The following LRMDA variants were observed in gnomAD, a reference collection of about 807,000 sequenced individuals.
LRMDA encodes the protein leucine rich melanocyte differentiation associated, also known as leucine-rich melanocyte differentiation-associated protein.
A neutral mutation model predicts 29.8 loss-of-function variants in LRMDA; 18 were observed. That is an observed-to-expected ratio of 0.60 (90% CI 0.42 to 0.90). The LOEUF is 0.90. Among genes scored for constraint, LRMDA ranks in the 40% least tolerant of loss-of-function variants. The probability of loss-of-function intolerance (pLI) is 0.00; values close to 1 mark genes in which losing one functional copy is unlikely to be tolerated. For missense variants in LRMDA, 273 were observed against 273.9 expected (o/e 1.00, Z 0.02); for synonymous variants, 125 against 109.4 (o/e 1.14, Z -0.89).
At chr10:75,779,988 G>T (rs76567205) in intron 2 of LRMDA, among the ~76,000 whole-genome samples, 2,031 of 152,248 alleles carry the variant, frequency 0.013, 51 homozygotes, top group African/African-American at 0.047. Context: ...AGAGAAAGGA[G>T]GAGATCTAGA....
intron 6 of LRMDA, among the ~76,000 whole-genome samples, chr10:76,363,650 T>C (rs1841356765): frequency 1.3e-5 from 2 of 152,180 alleles, no homozygotes; most frequent in South Asian, 2.1e-4. Context: ...CCTTCCTTCA[T>C]TCCTTTTCCC....
chr10:75,496,121 T>A (rs1160483059), intron 2 of LRMDA, among the ~76,000 whole-genome samples: 1 of 152,204 alleles, frequency 6.6e-6, no homozygotes, highest in Non-Finnish European at 1.5e-5. Flanking sequence ...TTTGAGCACT[T>A]TTACAGTTAG....
chr10:76,456,074 A>G (rs1413435004), intron 6 of LRMDA, among the ~76,000 whole-genome samples: 1 of 152,114 alleles, frequency 6.6e-6, no homozygotes, highest in African/African-American at 2.4e-5. Context: ...TATCCCTCAG[A>G]GAACATCCCC....
At chr10:75,728,408 T>C (rs975721654) in intron 2 of LRMDA, among the ~76,000 whole-genome samples, 11 of 151,630 alleles carry the variant, frequency 7.3e-5, no homozygotes, top group Admixed American at 3.3e-4. Flanking sequence ...TGCTTAGTTC[T>C]GTGCTTGATA....
At chr10:76,341,410 A>G (rs1661269780) in intron 6 of LRMDA, among the ~76,000 whole-genome samples, 1 of 152,198 alleles carries the variant, frequency 6.6e-6, no homozygotes, top group Non-Finnish European at 1.5e-5. Flanking sequence ...AAAGACAAAA[A>G]TAGCAAAATT....
intron 2 of LRMDA, among the ~76,000 whole-genome samples, chr10:75,584,853 T>A (rs1190447070): frequency 6.6e-6 from 1 of 152,176 alleles, no homozygotes; most frequent in Admixed American, 6.5e-5. Flanking sequence ...AAAGAATCAT[T>A]TGGACATGTC....
chr10:75,895,780 A>C (rs34844035), intron 2 of LRMDA, among the ~76,000 whole-genome samples: 17 of 152,246 alleles, frequency 1.1e-4, no homozygotes, highest in Non-Finnish European at 2.4e-4. Context: ...AAGCGGGTTT[A>C]TGTTTAGAAC....
chr10:75,812,340 A>G (rs920743289), intron 2 of LRMDA, among the ~76,000 whole-genome samples: 5 of 152,110 alleles, frequency 3.3e-5, no homozygotes, highest in African/African-American at 1.2e-4. Flanking sequence ...TGAAACAAAA[A>G]GTTAGCAGCC....
At chr10:75,451,167 G>C (rs1844456027) in intron 2 of LRMDA, 1 of 152,198 alleles carries the variant, frequency 6.6e-6, no homozygotes, top group African/African-American at 2.4e-5. Context: ...GAATGCTGCT[G>C]TTTAATTGAT....
intron 6 of LRMDA, among the ~76,000 whole-genome samples, chr10:76,404,167 G>A (rs1229935563): frequency 6.6e-6 from 1 of 152,138 alleles, no homozygotes; most frequent in Non-Finnish European, 1.5e-5. Flanking sequence ...AAATCACATA[G>A]CACGAGATAA....
chr10:75,954,616 C>T (rs1485949173), intron 2 of LRMDA, among the ~76,000 whole-genome samples: 1 of 152,150 alleles, frequency 6.6e-6, no homozygotes, highest in Non-Finnish European at 1.5e-5. Context: ...CAACTGTAAC[C>T]CCTAGGGTTT....
At chr10:75,643,902 C>T (rs1172584400) in intron 2 of LRMDA, among the ~76,000 whole-genome samples, 1 of 152,156 alleles carries the variant, frequency 6.6e-6, no homozygotes, top group East Asian at 1.9e-4. Context: ...TATTTTCCCC[C>T]CTAAGTTATT....
At chr10:76,053,410 A>C (rs1470375376) in intron 4 of LRMDA, among the ~76,000 whole-genome samples, 1 of 152,188 alleles carries the variant, frequency 6.6e-6, no homozygotes, top group Non-Finnish European at 1.5e-5. Context: ...CACAGTAAAG[A>C]GATTTTGGTG....
chr10:76,054,994 G>A (rs1027522474), intron 4 of LRMDA, among the ~76,000 whole-genome samples: 2 of 141,828 alleles, frequency 1.4e-5, no homozygotes, highest in African/African-American at 2.6e-5. Flanking sequence ...AACCTGGGAG[G>A]CAGAGGTTGC....
chr10:75,463,919 G>A (rs917396038), intron 2 of LRMDA, among the ~76,000 whole-genome samples: 5 of 151,746 alleles, frequency 3.3e-5, no homozygotes, highest in African/African-American at 1.2e-4. Flanking sequence ...CTCTCACCTC[G>A]GCCTCCCAAA....
In LRMDA at chr10:75,836,674, G is replaced by A. The variant is rs539028363; in HGVS notation, c.132-199334G>A. On this transcript the variant is annotated intron_variant, in intron 2 of 6. Transcript: ENST00000611255. ...TAATTTTACTCATGTTATTTCCTAT[G>A]TCTGGAAATTCTTGTCCACATCTTT... 1.6e-3 allele frequency among the ~76,000 whole-genome samples: 246 copies of A among 152,280 alleles called. 1 individual carries two copies. The highest frequency in any genetic ancestry group is 5.5e-3 in the African/African-American group (227 of 41,560).
intron 5 of LRMDA, among the ~76,000 whole-genome samples, chr10:76,322,698 A>C (rs1364859911): frequency 1.3e-5 from 2 of 152,372 alleles, no homozygotes; most frequent in Admixed American, 1.3e-4. Flanking sequence ...GTTCTAAGAA[A>C]TATCACTACA....
chr10:76,280,773 C>T (rs1413889235), intron 5 of LRMDA, among the ~76,000 whole-genome samples: 5 of 151,754 alleles, frequency 3.3e-5, no homozygotes, highest in African/African-American at 7.3e-5. Context: ...AGAAAACCTC[C>T]GTAAAATCAG....
chr10:76,410,456 A>T (rs1344162517), intron 6 of LRMDA, among the ~76,000 whole-genome samples: 1 of 151,704 alleles, frequency 6.6e-6, no homozygotes, highest in Non-Finnish European at 1.5e-5. Flanking sequence ...CTATAGGCAC[A>T]TACCAACATG....
Sources: gnomAD v4.1 joint callset for allele counts (sites outside exome capture counted in the v4.1 genomes callset) on GRCh38, gnomAD v4.1.1 for gene constraint, MANE v1.5 for transcripts, NCBI Gene and HGNC (gene_info 2026-07-23, HGNC 2026-07-21) for gene names.